BAZ1B: variants seen among roughly 807,000 people sequenced by gnomAD.
BAZ1B encodes tyrosine-protein kinase BAZ1B.
Under a neutral mutation model 153.8 loss-of-function variants are expected in BAZ1B, and 22 were observed. The ratio of observed to expected loss-of-function variants is 0.14; its 90% CI spans 0.10 to 0.20. BAZ1B has a LOEUF of 0.20. Ranked by LOEUF, BAZ1B falls within the 10% of genes least tolerant of loss-of-function variation. The pLI is 1.00. For missense variants in BAZ1B, 1,325 were observed against 1,799.3 expected, an observed-to-expected ratio of 0.74 and a Z score of 4.77; for synonymous variants, 676 against 633.4, an observed-to-expected ratio of 1.07 and a Z score of -1.01.
chr7:73,471,419 G>A (rs1395572933), intron 7 of BAZ1B, among the ~76,000 whole-genome samples: 1 of 152,142 alleles, frequency 6.6e-6, no homozygotes, highest in Non-Finnish European at 1.5e-5. Context: ...AACAAAAGCA[G>A]CCCGCTAATT....
intron 3 of BAZ1B, among the ~76,000 whole-genome samples, chr7:73,500,493 T>G (rs114707683): frequency 3.4e-4 from 52 of 152,226 alleles, no homozygotes; most frequent in African/African-American, 1.2e-3. Flanking sequence ...AAGGGAGTTA[T>G]GATTGTGCAC....
intron 13 of BAZ1B, among the ~76,000 whole-genome samples, chr7:73,454,687 A>G (rs1049064138): frequency 1.2e-4 from 18 of 152,138 alleles, no homozygotes; most frequent in Admixed American, 9.8e-4. Context: ...ACTCCTACAC[A>G]TTCTTCAAAA....
chr7:73,466,837 T>C (rs1788607441), intron 9 of BAZ1B, among the ~76,000 whole-genome samples: 1 of 152,202 alleles, frequency 6.6e-6, no homozygotes, highest in African/African-American at 2.4e-5. Flanking sequence ...TGTAAATCAG[T>C]TCCTATATAC....
At chr7:73,451,145 A>G (rs2116240950) in intron 13 of BAZ1B, 151 bp from the exon 14 acceptor site, 3 of 1,086,330 alleles carry the variant, frequency 2.8e-6, no homozygotes, top group South Asian at 4.2e-5. Context: ...AAAAGGCTCC[A>G]AAGGGGGAAA....
intron 3 of BAZ1B, among the ~76,000 whole-genome samples, chr7:73,502,978 T>C (rs1432771208): frequency 2.0e-5 from 3 of 152,218 alleles, no homozygotes; most frequent in Non-Finnish European, 4.4e-5. Flanking sequence ...CTATAGAGTA[T>C]TGTGTGGCTT....
chr7:73,473,591 GTA>G (rs1788894331), intron 7 of BAZ1B, among the ~76,000 whole-genome samples: 1 of 152,170 alleles, frequency 6.6e-6, no homozygotes, highest in Non-Finnish European at 1.5e-5. Flanking sequence ...CATTACATAT[GTA>G]TACTCAGGCA....
chr7:73,495,962 TTA>T (rs1789862390), intron 4 of BAZ1B, among the ~76,000 whole-genome samples: 1 of 152,156 alleles, frequency 6.6e-6, no homozygotes, highest in African/African-American at 2.4e-5. Flanking sequence ...TGACACAAGT[TTA>T]CCTATGCAAC....
At chr7:73,480,290 T>A (rs1231139077) in intron 6 of BAZ1B, among the ~76,000 whole-genome samples, 3 of 151,856 alleles carry the variant, frequency 2.0e-5, no homozygotes, top group Non-Finnish European at 4.4e-5. Flanking sequence ...CTGATACACA[T>A]CTCATCTCCT....
intron 3 of BAZ1B, among the ~76,000 whole-genome samples, chr7:73,503,956 T>C (rs553291277): frequency 6.6e-6 from 1 of 152,314 alleles, no homozygotes; most frequent in East Asian, 1.9e-4. Context: ...TTTCTCTCAC[T>C]ACCATAGTAC....
At chr7:73,454,605 C>T (rs1788128528) in intron 13 of BAZ1B, among the ~76,000 whole-genome samples, 1 of 152,208 alleles carries the variant, frequency 6.6e-6, no homozygotes, top group Admixed American at 6.5e-5. Flanking sequence ...CAAGAACCAG[C>T]TGTCAGTGAC....
intron 15 of BAZ1B, among the ~76,000 whole-genome samples, chr7:73,448,374 C>T (rs188960124): frequency 3.3e-5 from 5 of 152,154 alleles, no homozygotes; most frequent in Admixed American, 6.5e-5. Context: ...GTGTGGAAAA[C>T]AACAGTATTA....
chr7:73,477,348 T>C lies in BAZ1B; in HGVS notation c.2113A>G (p.Ser705Gly). The C allele has an allele frequency of 6.2e-7, 1 of 1,614,260 alleles. No homozygotes were observed. Among genetic ancestry groups the C allele is most frequent in the Non-Finnish European group, 8.5e-7 (1 of 1,180,048 alleles). ...TTGTCATCTGTGTCTGAGCCCTCGC[T>C]TTCCTCCTGAACATCAGATCTGCGC... ...CLRRSDVQEE[S>G]EGSDTDDNKD... Residue 705 changes from serine to glycine, a missense_variant, in exon 7 of 20, where the codon AGC (serine) becomes GGC (glycine). Ser to Gly is a moderately conservative substitution (Grantham distance 56). Coordinates refer to ENST00000339594, the MANE Select transcript of BAZ1B (RefSeq NM_032408.4). This position sits in a 1 kb window ranked among gnomAD's most constrained non-coding sequence, Gnocchi z 5.6.
At chr7:73,476,598 C>A (rs2116335021) in intron 7 of BAZ1B, among the ~76,000 whole-genome samples, 1 of 152,282 alleles carries the variant, frequency 6.6e-6, no homozygotes, top group East Asian at 1.9e-4. Flanking sequence ...TCCACTATTT[C>A]TATTTGTAGA....
Position 73,450,250 on chromosome 7 carries a change from T to A in BAZ1B, c.3581-561A>T, listed in dbSNP as rs1787987933. Among the ~76,000 whole-genome samples the A allele has an allele frequency of 6.6e-6, 1 of 152,152 alleles. No individual in the cohort carries two copies. Among genetic ancestry groups the A allele is most frequent in the Admixed American group, 6.5e-5 (1 of 15,286 alleles). On this transcript the variant is annotated intron_variant, in intron 14 of 19. Coordinates refer to ENST00000339594, the MANE Select transcript of BAZ1B (RefSeq NM_032408.4). The surrounding 1 kb of genome is among the most constrained non-coding windows in gnomAD (Gnocchi z 4.1). ...CCTTAAACCATGTGGTTTCTTACATTTGAAAAAGTGTTGTGCTGAGTCAAC... is the reference window on the plus strand; with the variant it reads ...CCTTAAACCATGTGGTTTCTTACATATGAAAAAGTGTTGTGCTGAGTCAAC...
intron 10 of BAZ1B, among the ~76,000 whole-genome samples, chr7:73,465,843 G>C (rs1228099434): frequency 6.6e-6 from 1 of 152,112 alleles, no homozygotes; most frequent in Admixed American, 6.5e-5. Context: ...ATTCAAAAAT[G>C]AAAGGTCATT....
intron 5 of BAZ1B, among the ~76,000 whole-genome samples, chr7:73,490,687 C>T (rs1789602599): frequency 6.6e-6 from 1 of 151,478 alleles, no homozygotes; most frequent in East Asian, 2.0e-4. Context: ...CTCACTGCAA[C>T]CTCCGCCTCC....
At chr7:73,449,864 C>T (rs1242263410) in intron 14 of BAZ1B, among the ~76,000 whole-genome samples, 175 bp from the exon 15 acceptor site, 4 of 152,188 alleles carry the variant, frequency 2.6e-5, no homozygotes, top group South Asian at 2.1e-4. Flanking sequence ...TGAAGCATAA[C>T]TTAGATTACA....
chr7:73,520,982 C>T (rs1409640980), intron 1 of BAZ1B, among the ~76,000 whole-genome samples: 1 of 152,144 alleles, frequency 6.6e-6, no homozygotes, highest in Non-Finnish European at 1.5e-5. Context: ...AGCTGCACAA[C>T]TTTTCACTAA....
At chr7:73,448,400 G>C (rs1787916055) in intron 15 of BAZ1B, among the ~76,000 whole-genome samples, 1 of 152,162 alleles carries the variant, frequency 6.6e-6, no homozygotes, top group African/African-American at 2.4e-5. Flanking sequence ...GCAAGTACAA[G>C]GTGTCTCCTC....
Sources: allele counts gnomAD v4.1 joint callset (sites outside exome capture counted in the v4.1 genomes callset), GRCh38; gene constraint gnomAD v4.1.1; non-coding constraint Gnocchi (gnomAD v3.1); transcripts MANE v1.5; gene names NCBI Gene and HGNC (gene_info 2026-07-23, HGNC 2026-07-21).